CHRNA3: variants seen among roughly 807,000 people sequenced by gnomAD.
CHRNA3 encodes neuronal acetylcholine receptor subunit alpha-3.
Under a neutral mutation model 41.9 loss-of-function variants are expected in CHRNA3, and 34 were observed. The observed-to-expected ratio is 0.81, with a 90% CI of 0.62 to 1.08. CHRNA3 has a LOEUF of 1.08. Ranked by LOEUF, CHRNA3 falls within the 50% of genes least tolerant of loss-of-function variation. The pLI is 0.00. For missense variants in CHRNA3, 542 were observed against 638.3 expected, an observed-to-expected ratio of 0.85 and a Z score of 1.63; for synonymous variants, 281 against 265.2, an observed-to-expected ratio of 1.06 and a Z score of -0.58.
intron 4 of CHRNA3, 34 bp from the exon 5 acceptor site, chr15:78,602,298 G>T (rs367970536): frequency 1.3e-6 from 2 of 1,594,146 alleles, no homozygotes; most frequent in Admixed American, 1.7e-5. Context: ...AGTGACACAC[G>T]GTCATTAACA....
chr15:78,597,275 C>G (rs2053128013), intron 5 of CHRNA3, among the ~76,000 whole-genome samples: 1 of 152,050 alleles, frequency 6.6e-6, no homozygotes, highest in East Asian at 1.9e-4. Context: ...ACCAAAAATA[C>G]AAAAATTGGC....
intron 4 of CHRNA3, among the ~76,000 whole-genome samples, chr15:78,604,786 G>T (rs2053257606): frequency 6.6e-6 from 1 of 152,216 alleles, no homozygotes; most frequent in South Asian, 2.1e-4. Flanking sequence ...GCTGAGGCGG[G>T]CAGATCACCT....
intron 5 of CHRNA3, among the ~76,000 whole-genome samples, chr15:78,597,930 G>A (rs570536387): frequency 6.6e-6 from 1 of 152,258 alleles, no homozygotes; most frequent in Admixed American, 6.5e-5. Context: ...TGACACTACT[G>A]TCATAGGTAA....
In CHRNA3 at chr15:78,601,694, G is replaced by A; in HGVS notation, c.948C>T (p.Thr316=). Residue 316 remains threonine (T), a synonymous_variant, in exon 5 of 6, where the codon ACC becomes ACT. Coordinates refer to ENST00000326828, the MANE Select transcript of CHRNA3 (RefSeq NM_000743.5). ...CGAAGACGGTGATGACGATGGACAA[G>A]GTTACAAAAATCATGGTGAACAGGA... ...EYLLFTMIFV[T]LSIVITVFVL... 1 of 1,614,128 alleles carries A rather than the reference G, an allele frequency of 6.2e-7. No individual in the cohort carries two copies. Among genetic ancestry groups the A allele is most frequent in the Non-Finnish European group, 8.5e-7 (1 of 1,180,030 alleles).
At chr15:78,608,414 A>ACTGTTCTACAGCCACCG (rs1257634632) in intron 4 of CHRNA3, among the ~76,000 whole-genome samples, 2 of 152,170 alleles carry the variant, frequency 1.3e-5, no homozygotes, top group South Asian at 2.1e-4. Flanking sequence ...ACCAAGATCC[A>ACTGTTCTACAGCCACCG]CTGTTCTACA....
At position 78,596,681 on chromosome 15, in the gene CHRNA3, A is replaced by G. The variant is rs752416849; in HGVS notation, c.1441T>C (p.Trp481Arg). 2.5e-6 allele frequency: 4 copies of G among 1,613,246 alleles called. No individual in the cohort carries two copies. Among genetic ancestry groups the G allele is most frequent in the Non-Finnish European group, 3.4e-6 (4 of 1,179,926 alleles). Residue 481 changes from tryptophan (W) to arginine (R), a missense_variant, in exon 6 of 6, where the codon TGG (tryptophan) becomes CGG (arginine). Physicochemically the swap from Trp to Arg is moderately radical, Grantham distance 101. Transcript: ENST00000326828. ...VAMVIDRIFL[W>R]VFTLVCILGT... is the part of the protein sequence containing the mutation. The stretch of plus-strand genomic sequence containing the variant: ...AGAATGCACACCAGGGTGAAAACCC[A>G]CAGAAAAATACGATCAATCACCATG...
At chr15:78,608,831 GAA>G (rs199642525) in intron 4 of CHRNA3, among the ~76,000 whole-genome samples, 2 of 151,234 alleles carry the variant, frequency 1.3e-5, no homozygotes, top group African/African-American at 4.9e-5. Flanking sequence ...TAAAAACTGT[GAA>G]AAAAAAATTA....
chr15:78,618,507 G>A, intron 3 of CHRNA3, 110 bp downstream of exon 3: 1 of 1,270,708 alleles, frequency 7.9e-7, no homozygotes, highest in Non-Finnish European at 1.1e-6. Context: ...CCCCAATCTG[G>A]GTTCCACAGA....
chr15:78,607,045 T>C (rs897450176), intron 4 of CHRNA3, among the ~76,000 whole-genome samples: 1 of 150,710 alleles, frequency 6.6e-6, no homozygotes, highest in African/African-American at 2.4e-5. Context: ...CTGGCCAACA[T>C]TGTGAAACCC....
intron 3 of CHRNA3, 31 bp from the exon 4 acceptor site, chr15:78,617,164 G>T: frequency 6.9e-7 from 1 of 1,455,432 alleles, no homozygotes; most frequent in Non-Finnish European, 9.6e-7. Context: ...GGGAGAAGGA[G>T]ACGGTAAAAG....
Position 78,602,022 on chromosome 15 carries a change from C to T in CHRNA3, c.620G>A (p.Trp207Ter). The T allele has an allele frequency of 6.2e-7, 1 of 1,613,384 alleles. No homozygotes were observed. Among genetic ancestry groups the T allele is most frequent in the Non-Finnish European group, 8.5e-7 (1 of 1,179,430 alleles). ...NLKDYWESGE[W>*]AIIKAPGYKH... ...GTAGCCTGGGGCTTTGATGATGGCC[C>T]ACTCGCCGCTCTCCCAATAGTCCTT... The change falls in exon 5 of 6, where the codon TGG (tryptophan) becomes TAG (stop). Residue 207 changes from tryptophan (W) to a stop codon, truncating the protein, a stop_gained. Coordinates refer to ENST00000326828, the MANE Select transcript of CHRNA3 (RefSeq NM_000743.5). LOFTEE classifies it high-confidence loss of function.
At chr15:78,606,547 G>C (rs557314200) in intron 4 of CHRNA3, among the ~76,000 whole-genome samples, 1 of 152,052 alleles carries the variant, frequency 6.6e-6, no homozygotes, top group South Asian at 2.1e-4. Context: ...AATGTATAAA[G>C]AACTAGCAGA....
chr15:78,617,023 C>G lies in CHRNA3; in HGVS notation c.377+1G>C, dbSNP rs768028438. 6.2e-6 allele frequency: 10 copies of G among 1,610,676 alleles called. No homozygotes were observed. In the South Asian group the frequency reaches 1.1e-4, roughly 18 times the overall value. ...AGGGCGTGGGCCCCCCAGCACCTTA[C>G]TTGTTATACAGCACAATGTCTGGCT... is the stretch of plus-strand genomic sequence containing the variant. On this transcript the variant is annotated splice_donor_variant, in intron 4 of 5. Coordinates refer to ENST00000326828, the MANE Select transcript of CHRNA3 (RefSeq NM_000743.5). LOFTEE classifies it high-confidence loss of function.
At chr15:78,619,623 A>AC (rs1176350354) in intron 1 of CHRNA3, 2 of 150,046 alleles carry the variant, frequency 1.3e-5, no homozygotes, top group South Asian at 2.1e-4. Flanking sequence ...ATCTCGTGTG[A>AC]CCCCCAGCTC....
At chr15:78,594,922 A>G (rs112690995), downstream of CHRNA3, 1 of 152,190 alleles carries the variant, frequency 6.6e-6, no homozygotes, top group Non-Finnish European at 1.5e-5. Flanking sequence ...TAAAACAGTT[A>G]AATTCCATCT....
chr15:78,607,908 A>G (rs543907197), intron 4 of CHRNA3, among the ~76,000 whole-genome samples: 1 of 152,228 alleles, frequency 6.6e-6, no homozygotes, highest in East Asian at 1.9e-4. Flanking sequence ...AAAACGGCAC[A>G]CCAGGAGATT....
chr15:78,611,179 C>T (rs2053374242), intron 4 of CHRNA3, among the ~76,000 whole-genome samples: 2 of 152,170 alleles, frequency 1.3e-5, no homozygotes, highest in South Asian at 4.1e-4. Flanking sequence ...TGAAACTATT[C>T]CAATCAATAG....
intron 3 of CHRNA3, among the ~76,000 whole-genome samples, chr15:78,618,108 G>A (rs570615225): frequency 1.3e-5 from 2 of 152,082 alleles, no homozygotes; most frequent in Non-Finnish European, 2.9e-5. Flanking sequence ...TTAGCCAGAC[G>A]TGGTGGTGCA....
intron 4 of CHRNA3, among the ~76,000 whole-genome samples, chr15:78,612,735 A>G (rs1171361821): frequency 7.3e-6 from 1 of 136,316 alleles, no homozygotes; most frequent in Non-Finnish European, 1.6e-5. Flanking sequence ...TAATTAAACT[A>G]AAGAGCTTCT....
Sources: gnomAD v4.1 joint callset for allele counts (sites outside exome capture counted in the v4.1 genomes callset) on GRCh38, gnomAD v4.1.1 for gene constraint, MANE v1.5 for transcripts, NCBI Gene and HGNC (gene_info 2026-07-23, HGNC 2026-07-21) for gene names.